The following RBM33 variants were observed in gnomAD, a reference collection of about 807,000 sequenced individuals.
RBM33 encodes the protein RNA binding motif protein 33.
RBM33 carries 28 observed loss-of-function variants against 132.6 expected under a neutral mutation model. The ratio of observed to expected loss-of-function variants is 0.21; its 90% CI spans 0.16 to 0.29. The LOEUF (loss-of-function observed/expected upper bound fraction) is 0.29, where lower values mean the gene tolerates loss of function less well. Ranked by LOEUF, RBM33 falls within the 10% of genes least tolerant of loss-of-function variation. The pLI, the probability that RBM33 is intolerant of heterozygous loss-of-function variation, is 1.00. For synonymous variants in RBM33, 634 were observed against 593.0 expected, an observed-to-expected ratio of 1.07 and a Z score of -1.01; for missense variants, 1,291 against 1,518.5, an observed-to-expected ratio of 0.85 and a Z score of 2.49.
chr7:155,648,091 T>C (rs1437825426), intron 1 of RBM33, among the ~76,000 whole-genome samples: 1 of 152,214 alleles, frequency 6.6e-6, no homozygotes, highest in Non-Finnish European at 1.5e-5. Flanking sequence ...TGTTTTCTAG[T>C]CAATTCTTAG....
chr7:155,689,056 C>T (rs1030646628), intron 5 of RBM33, among the ~76,000 whole-genome samples: 3 of 152,152 alleles, frequency 2.0e-5, no homozygotes, highest in East Asian at 1.9e-4. Context: ...GGTACCAGCT[C>T]CTCCTTGTAC....
chr7:155,760,330 G>T (rs1801993560), intron 14 of RBM33, among the ~76,000 whole-genome samples: 2 of 152,182 alleles, frequency 1.3e-5, no homozygotes, highest in Non-Finnish European at 2.9e-5. Context: ...TTCTTAGAGA[G>T]CAAACCTTCC....
chr7:155,704,134 A>G (rs1447140816), intron 6 of RBM33, among the ~76,000 whole-genome samples: 1 of 152,188 alleles, frequency 6.6e-6, no homozygotes, highest in African/African-American at 2.4e-5. Flanking sequence ...CATCTCTGTG[A>G]AAAACATTCA....
intron 5 of RBM33, among the ~76,000 whole-genome samples, chr7:155,691,706 T>G (rs1799647425): frequency 6.6e-6 from 1 of 152,186 alleles, no homozygotes. Flanking sequence ...CGTTTTTAAC[T>G]TCAGTTCCTG....
intron 1 of RBM33, among the ~76,000 whole-genome samples, chr7:155,663,895 A>G (rs1046646643): frequency 6.6e-6 from 1 of 152,180 alleles, no homozygotes; most frequent in Non-Finnish European, 1.5e-5. Context: ...TTCTTTGTTT[A>G]CTAGGAATAA....
At chr7:155,657,154 G>A (rs563239687) in intron 1 of RBM33, among the ~76,000 whole-genome samples, 1 of 152,188 alleles carries the variant, frequency 6.6e-6, no homozygotes, top group African/African-American at 2.4e-5. Flanking sequence ...ATTTTATGGC[G>A]TCTCTCCTTT....
In RBM33 at chr7:155,708,525, G is replaced by A. The variant is rs117493146; in HGVS notation, c.948+1457G>A. Among the ~76,000 whole-genome samples, 507 of 152,302 alleles carry A rather than the reference G, an allele frequency of 3.3e-3. 1 individual carries two copies. Among genetic ancestry groups the A allele is most frequent in the Non-Finnish European group, 5.1e-3 (349 of 68,028 alleles). ...TTACCCACAAAGAAGGGAAGAGCAC[G>A]TATCTCTCACCTGCCTCCTTAGAGA... On this transcript the variant is annotated intron_variant, in intron 7 of 17. Transcript: ENST00000401878.
At position 155,666,681 on chromosome 7, in the gene RBM33, C is replaced by A. The variant is rs142071251; in HGVS notation, c.122+1428C>A. On this transcript the variant is annotated intron_variant, in intron 2 of 17. Coordinates refer to ENST00000401878, the MANE Select transcript of RBM33 (RefSeq NM_053043.3). ...ATAGCTTACTCATTATTTGGAGTTC[C>A]TCTTTGAATGGTCTGTTCATATCTG... Among the ~76,000 whole-genome samples the A allele has an allele frequency of 1.4e-3, 216 of 152,216 alleles. 4 individuals carry two copies. The highest frequency in any genetic ancestry group is 5.0e-3 in the African/African-American group (206 of 41,526).
At chr7:155,651,582 CAA>C (rs34693646) in intron 1 of RBM33, among the ~76,000 whole-genome samples, 4 of 94,568 alleles carry the variant, frequency 4.2e-5, no homozygotes, top group Non-Finnish European at 7.8e-5. Context: ...TTTGTCTCAC[CAA>C]AAAAAAAAAA....
chr7:155,648,130 A>G (rs1798253243), intron 1 of RBM33, among the ~76,000 whole-genome samples: 1 of 152,188 alleles, frequency 6.6e-6, no homozygotes, highest in African/African-American at 2.4e-5. Context: ...GGAAATTTCA[A>G]ACACATCCAG....
chr7:155,743,259 T>C (rs1464014491), intron 13 of RBM33, among the ~76,000 whole-genome samples: 1 of 152,242 alleles, frequency 6.6e-6, no homozygotes, highest in Non-Finnish European at 1.5e-5. Flanking sequence ...AAGTCTTTGG[T>C]AAAAGTTTTA....
chr7:155,681,056 A>G (rs148765260), intron 5 of RBM33, 148 bp downstream of exon 5: 15 of 661,046 alleles, frequency 2.3e-5, no homozygotes, highest in African/African-American at 1.8e-4. Context: ...TATCTGAGCT[A>G]TGACAAAGTT....
intron 5 of RBM33, among the ~76,000 whole-genome samples, chr7:155,688,735 C>T (rs1456045370): frequency 6.6e-6 from 1 of 151,630 alleles, no homozygotes; most frequent in Admixed American, 6.6e-5. Context: ...TTGAGATAAT[C>T]GTGGTTTTTG....
At chr7:155,761,880 T>C (rs4716907) in intron 14 of RBM33, among the ~76,000 whole-genome samples, 10,381 of 152,296 alleles carry the variant, frequency 0.068, 566 homozygotes, top group African/African-American at 0.15. Flanking sequence ...TGACTGATTT[T>C]AGATGTTTTT....
intron 5 of RBM33, among the ~76,000 whole-genome samples, chr7:155,694,448 T>A (rs186544284): frequency 6.6e-6 from 1 of 152,216 alleles, no homozygotes; most frequent in Admixed American, 6.5e-5. Flanking sequence ...TTAAAATACT[T>A]GTGAAATGGT....
At chr7:155,760,739 A>G (rs1398863910) in intron 14 of RBM33, among the ~76,000 whole-genome samples, 3 of 152,186 alleles carry the variant, frequency 2.0e-5, no homozygotes, top group South Asian at 4.1e-4. Context: ...GAGAATTCAC[A>G]TAGTTTTTTA....
At position 155,724,990 on chromosome 7, in the gene RBM33, T is replaced by TTTTTTTTG. The variant is rs71186056; in HGVS notation, c.1260+6548_1260+6549insTTTTTTGT. ...TTGCTGTAAACATTTGTGTACAGGTTTGTGTGTGTGTGTGTGTGTGTGTGT... is the reference window on the plus strand; with the variant it reads ...TTGCTGTAAACATTTGTGTACAGGTTTTTTTTTGTGTGTGTGTGTGTGTGTGTGTGTGT... On this transcript the variant is annotated intron_variant, in intron 9 of 17. Transcript: ENST00000401878. Among the ~76,000 whole-genome samples the TTTTTTTTG allele has an allele frequency of 5.4e-4, 67 of 123,364 alleles. 1 individual carries two copies. Among genetic ancestry groups the TTTTTTTTG allele is most frequent in the African/African-American group, 2.2e-3 (65 of 29,868 alleles). The allele number at this position is 123,364 out of a possible 152,430, so 80.9% of individuals were successfully genotyped here.
intron 9 of RBM33, among the ~76,000 whole-genome samples, chr7:155,729,168 A>G (rs1800881577): frequency 6.6e-6 from 1 of 152,154 alleles, no homozygotes; most frequent in Non-Finnish European, 1.5e-5. Flanking sequence ...CCACTTTTAA[A>G]CCATCAGATC....
In RBM33 at chr7:155,722,713, A is replaced by G. The variant is rs1800664178; in HGVS notation, c.1260+4270A>G. Among the ~76,000 whole-genome samples the G allele has an allele frequency of 2.6e-5, 4 of 152,182 alleles. 1 individual carries two copies. In the South Asian group the frequency reaches 8.3e-4, roughly 31 times the overall value. On this transcript the variant is annotated intron_variant, in intron 9 of 17. Transcript: ENST00000401878. The stretch of plus-strand genomic sequence containing the variant: ...AACATGTTGTTTTGAGACTTTTGTG[A>G]ATCTAGTTTTTCTGTGCAATTGCTG...
Sources: gnomAD v4.1 joint callset for allele counts (sites outside exome capture counted in the v4.1 genomes callset) on GRCh38, gnomAD v4.1.1 for gene constraint, MANE v1.5 for transcripts, NCBI Gene and HGNC (gene_info 2026-07-23, HGNC 2026-07-21) for gene names.